The following TIAM1 variants were observed in gnomAD, a reference collection of about 807,000 sequenced individuals.
TIAM1 encodes the protein rho guanine nucleotide exchange factor TIAM1.
In TIAM1, 65 loss-of-function variants were observed where a neutral mutation model predicts 163.5. The ratio of observed to expected loss-of-function variants is 0.40; its 90% confidence interval spans 0.33 to 0.49. TIAM1 has a LOEUF of 0.49. Ranked by LOEUF, TIAM1 falls within the 20% of genes least tolerant of loss-of-function variation. The probability of loss-of-function intolerance (pLI) is 0.77; values close to 1 mark genes in which losing one functional copy is unlikely to be tolerated. For synonymous variants in TIAM1, 833 were observed against 810.1 expected, an observed-to-expected ratio of 1.03 and a Z score of -0.48; for missense variants, 1,789 against 2,044.7, an observed-to-expected ratio of 0.87 and a Z score of 2.41.
intron 2 of TIAM1, among the ~76,000 whole-genome samples, chr21:31,301,064 G>A (rs1382101829): frequency 6.6e-6 from 1 of 152,170 alleles, no homozygotes; most frequent in Non-Finnish European, 1.5e-5. Context: ...GTGAATTTTG[G>A]AGCCGAGTGA....
chr21:31,125,468 C>G (rs981457905), intron 26 of TIAM1, among the ~76,000 whole-genome samples: 5 of 152,236 alleles, frequency 3.3e-5, no homozygotes, highest in African/African-American at 1.2e-4. Flanking sequence ...ATAGTCCTGA[C>G]AGCTTCCCGG....
At chr21:31,526,910 C>T (rs982306112) in intron 1 of TIAM1, among the ~76,000 whole-genome samples, 1 of 152,100 alleles carries the variant, frequency 6.6e-6, no homozygotes, top group Non-Finnish European at 1.5e-5. Flanking sequence ...CCATGTTGAC[C>T]AGGCTGGTCT....
At chr21:31,232,664 G>A (rs1231545632) in intron 6 of TIAM1, among the ~76,000 whole-genome samples, 1 of 152,124 alleles carries the variant, frequency 6.6e-6, no homozygotes, top group Non-Finnish European at 1.5e-5. Context: ...GCTAGAAAAA[G>A]CCATCCGAAG....
intron 2 of TIAM1, among the ~76,000 whole-genome samples, chr21:31,414,255 A>G (rs2147246590): frequency 6.6e-6 from 1 of 152,316 alleles, no homozygotes; most frequent in South Asian, 2.1e-4. Context: ...CCTCTTGTGA[A>G]TCTCCTTAAC....
At chr21:31,483,332 G>A (rs1283075789) in intron 1 of TIAM1, among the ~76,000 whole-genome samples, 2 of 152,166 alleles carry the variant, frequency 1.3e-5, no homozygotes, top group Admixed American at 6.5e-5. Flanking sequence ...GATTCAGTGT[G>A]TAAAAGACAG....
intron 16 of TIAM1, among the ~76,000 whole-genome samples, chr21:31,161,680 A>C (rs561344122): frequency 2.6e-5 from 4 of 152,334 alleles, no homozygotes; most frequent in African/African-American, 9.6e-5. Context: ...AACAGCTCTA[A>C]CATATTCAGC....
intron 1 of TIAM1, among the ~76,000 whole-genome samples, chr21:31,540,035 TA>T (rs938502368): frequency 2.3e-4 from 26 of 113,502 alleles, no homozygotes; most frequent in African/African-American, 7.6e-4. Context: ...CAAAAAAACA[TA>T]AAAAAAAAAG....
intron 2 of TIAM1, among the ~76,000 whole-genome samples, chr21:31,363,241 A>G (rs535560103): frequency 2.4e-4 from 37 of 152,298 alleles, no homozygotes; most frequent in African/African-American, 8.4e-4. Context: ...CAGGGAAAAC[A>G]GGGATGAAAG....
intron 12 of TIAM1, among the ~76,000 whole-genome samples, chr21:31,202,062 T>C (rs1171618293): frequency 6.6e-6 from 1 of 152,044 alleles, no homozygotes; most frequent in African/African-American, 2.4e-5. Context: ...CATAAGTATG[T>C]TCAAACTCAA....
At chr21:31,226,557 G>A (rs1363033670) in intron 6 of TIAM1, among the ~76,000 whole-genome samples, 1 of 152,174 alleles carries the variant, frequency 6.6e-6, no homozygotes, top group African/African-American at 2.4e-5. Context: ...GCCTGTTTGA[G>A]AAGGGCATTA....
rs546279806 is a variant in TIAM1, at chr21:31,228,924, C to T, written c.1585-2974G>A. ...GTGCAGAACAAAGCAGGGGGGAAAGCCCCTTATAAAACCATCAGATCTAGT... is the reference window on the plus strand; with the variant it reads ...GTGCAGAACAAAGCAGGGGGGAAAGTCCCTTATAAAACCATCAGATCTAGT... On this transcript the variant is annotated intron_variant, in intron 6 of 27. Coordinates refer to ENST00000541036, the MANE Select transcript of TIAM1 (RefSeq NM_001353694.2). Among the ~76,000 whole-genome samples, 12 of 152,202 alleles carry T rather than the reference C, an allele frequency of 7.9e-5. No homozygotes were observed. In the East Asian group the frequency reaches 1.9e-3, roughly 25 times the overall value.
intron 2 of TIAM1, among the ~76,000 whole-genome samples, chr21:31,288,624 A>T (rs2146905110): frequency 6.6e-6 from 1 of 152,364 alleles, no homozygotes; most frequent in Middle Eastern, 3.4e-3. Flanking sequence ...CATTCAGAGC[A>T]TAGCAACTCC....
intron 2 of TIAM1, among the ~76,000 whole-genome samples, chr21:31,420,564 T>C (rs772986687): frequency 3.9e-5 from 6 of 152,336 alleles, no homozygotes; most frequent in Non-Finnish European, 8.8e-5. Flanking sequence ...TGCAACCATT[T>C]AGAATTCATT....
At chr21:31,205,857 A>T (rs1601540849) in intron 11 of TIAM1, among the ~76,000 whole-genome samples, 1 of 152,228 alleles carries the variant, frequency 6.6e-6, no homozygotes, top group South Asian at 2.1e-4. Flanking sequence ...CCTGTAGGCT[A>T]CTCAGGAAGT....
In TIAM1 at chr21:31,221,765, A is replaced by G. The variant is rs552936624; in HGVS notation, c.1995+1641T>C. On this transcript the variant is annotated intron_variant, in intron 8 of 27. Transcript: ENST00000541036. ...TTCCCTTCATAAAAATGCGTCCTCA[A>G]TGGATGATATTCTGACAAGGAGATA... Among the ~76,000 whole-genome samples the G allele has an allele frequency of 2.6e-5, 4 of 152,296 alleles. No individual in the cohort carries two copies. The East Asian group carries it at 7.7e-4, about 29-fold the overall frequency.
At chr21:31,259,842 A>T (rs1391178567) in intron 4 of TIAM1, among the ~76,000 whole-genome samples, 1 of 152,044 alleles carries the variant, frequency 6.6e-6, no homozygotes, top group East Asian at 1.9e-4. Context: ...AAAAGTAGGT[A>T]TGAGACGCTA....
intron 1 of TIAM1, among the ~76,000 whole-genome samples, chr21:31,536,121 C>T (rs1442657492): frequency 6.6e-6 from 1 of 152,162 alleles, no homozygotes; most frequent in Non-Finnish European, 1.5e-5. Context: ...GCTTCCTGGG[C>T]CCACACCAGG....
intron 2 of TIAM1, among the ~76,000 whole-genome samples, chr21:31,454,021 T>C (rs1420273086): frequency 1.3e-5 from 2 of 152,210 alleles, no homozygotes; most frequent in Non-Finnish European, 2.9e-5. Context: ...AAGCCTTTCC[T>C]ATAAATGCCT....
intron 19 of TIAM1, among the ~76,000 whole-genome samples, 190 bp from the exon 20 acceptor site, chr21:31,147,193 T>C (rs2083161744): frequency 6.6e-6 from 1 of 152,202 alleles, no homozygotes; most frequent in South Asian, 2.1e-4. Context: ...TGTACAAGTT[T>C]GTGTAAAAGG....
Sources: gnomAD v4.1 joint callset for allele counts (sites outside exome capture counted in the v4.1 genomes callset) on GRCh38, gnomAD v4.1.1 for gene constraint, MANE v1.5 for transcripts, NCBI Gene and HGNC (gene_info 2026-07-23, HGNC 2026-07-21) for gene names.